The following NIPBL variants were observed in gnomAD, a reference collection of about 807,000 sequenced individuals.
The protein encoded by NIPBL is nipped-B-like protein.
Under a neutral mutation model 321.8 loss-of-function variants are expected in NIPBL, and 19 were observed. The ratio of observed to expected loss-of-function variants is 0.06; its 90% CI spans 0.04 to 0.09. NIPBL has a LOEUF of 0.09. NIPBL is among the 10% of genes least tolerant of loss of function. NIPBL has a pLI of 1.00. For synonymous variants in NIPBL, 1,106 were observed against 1,114.1 expected (o/e 0.99, Z 0.14); for missense variants, 2,210 against 3,327.0 (o/e 0.66, Z 8.26).
At chr5:37,044,908 T>C (rs1490468044) in intron 36 of NIPBL, among the ~76,000 whole-genome samples, 179 bp downstream of exon 36, 1 of 152,230 alleles carries the variant, frequency 6.6e-6, no homozygotes, top group Non-Finnish European at 1.5e-5. Context: ...GAACCCACTG[T>C]GATTACTTCA....
rs760921663 is a variant in NIPBL at position 36,958,084 on chromosome 5, A to G, written c.231-20A>G. 1.2e-6 allele frequency: 2 copies of G among 1,612,630 alleles called. No individual in the cohort carries two copies. The highest frequency in any genetic ancestry group is 1.7e-5 in the Admixed American group (1 of 59,994). ...ATCAGTCACCATTTTAATTTTTGAT[A>G]CTTATTTTCTCAATGCCAGAGAGTT... is the stretch of plus-strand genomic sequence containing the variant. On this transcript the variant is annotated intron_variant, in intron 3 of 46. Coordinates refer to ENST00000282516, the MANE Select transcript of NIPBL (RefSeq NM_133433.4).
intron 1 of NIPBL, among the ~76,000 whole-genome samples, chr5:36,893,913 A>G (rs572210023): frequency 2.0e-5 from 3 of 152,368 alleles, no homozygotes; most frequent in South Asian, 4.1e-4. Flanking sequence ...AAAATTCAGT[A>G]CAGCCTACCA....
At chr5:37,034,376 C>A (rs1433650742) in intron 32 of NIPBL, among the ~76,000 whole-genome samples, 2 of 152,130 alleles carry the variant, frequency 1.3e-5, no homozygotes, top group African/African-American at 2.4e-5. Flanking sequence ...AATGACCCAG[C>A]AATTCGACTT....
At chr5:36,922,510 A>G (rs1236699888) in intron 1 of NIPBL, among the ~76,000 whole-genome samples, 1 of 152,122 alleles carries the variant, frequency 6.6e-6, no homozygotes, top group African/African-American at 2.4e-5. Context: ...CGAGTATTAT[A>G]CTTTTAACTT....
intron 45 of NIPBL, among the ~76,000 whole-genome samples, chr5:37,063,258 C>A (rs1754984876): frequency 6.6e-6 from 1 of 152,166 alleles, no homozygotes; most frequent in African/African-American, 2.4e-5. Context: ...AGAATATAAT[C>A]TACACAGTGG....
chr5:37,031,616 A>T (rs1751027653), intron 32 of NIPBL, among the ~76,000 whole-genome samples: 1 of 152,208 alleles, frequency 6.6e-6, no homozygotes, highest in South Asian at 2.1e-4. Flanking sequence ...GCAATGAAAA[A>T]CAGTTAAGAG....
At chr5:37,041,963 CATT>C (rs1480292341) in intron 34 of NIPBL, among the ~76,000 whole-genome samples, 1 of 152,008 alleles carries the variant, frequency 6.6e-6, no homozygotes, top group Non-Finnish European at 1.5e-5. Flanking sequence ...CACTTTAACT[CATT>C]ATGGGAAACA....
intron 32 of NIPBL, among the ~76,000 whole-genome samples, chr5:37,030,337 C>G (rs1239102708): frequency 6.6e-6 from 1 of 152,010 alleles, no homozygotes; most frequent in Non-Finnish European, 1.5e-5. Context: ...GATATATTTC[C>G]TTATACTAGC....
At position 37,016,119 on chromosome 5, in the gene NIPBL, G is replaced by A. The variant is rs779999171; in HGVS notation, c.4725G>A (p.Lys1575=). The change falls in exon 23 of 47, where the codon AAG becomes AAA. Residue 1575 remains lysine, a synonymous_variant. Coordinates refer to ENST00000282516, the MANE Select transcript of NIPBL (RefSeq NM_133433.4). ...AAGACCTTCTTTCAACAGTCAATAAGCCTGAATGGCCAGCTGCTGAACTAC... is the reference window on the plus strand; with the variant it reads ...AAGACCTTCTTTCAACAGTCAATAAACCTGAATGGCCAGCTGCTGAACTAC... ...FVQDLLSTVN[K]PEWPAAELLL... The A allele has an allele frequency of 1.9e-6, 3 of 1,613,918 alleles. No individual in the cohort carries two copies. The South Asian group carries it at 3.3e-5, about 18-fold the overall frequency.
chr5:36,995,015 A>G (rs981766860), intron 10 of NIPBL: 2 of 152,186 alleles, frequency 1.3e-5, no homozygotes, highest in Non-Finnish European at 2.9e-5. Flanking sequence ...AATTGTATAT[A>G]TTGATTTGTC....
At position 36,877,107 on chromosome 5, in the gene NIPBL, C is replaced by G; in HGVS notation, c.-151C>G. The stretch of plus-strand genomic sequence containing the variant: ...AAGAGGAGCCGTAGCCACCCCCCCT[C>G]CCGGCCCGGATTATAGTCTCTCGCC... On this transcript the variant is annotated 5_prime_UTR_variant, in exon 1 of 47. Coordinates refer to ENST00000282516, the MANE Select transcript of NIPBL (RefSeq NM_133433.4). The G allele has an allele frequency of 2.9e-6, 1 of 349,690 alleles. No homozygotes were observed. 21.7% of individuals were successfully genotyped at this position (349,690 alleles called of 1,614,324 possible).
Position 37,038,274 on chromosome 5 carries a change from G to A in NIPBL, c.5972-328G>A, listed in dbSNP as rs540171385. ...CAAAGTGCTGGGATTACAGGTGTGAGCCATCACACACAGCCCATTGATTTT... is the reference window on the plus strand; with the variant it reads ...CAAAGTGCTGGGATTACAGGTGTGAACCATCACACACAGCCCATTGATTTT... On this transcript the variant is annotated intron_variant, in intron 33 of 46. Transcript: ENST00000282516. 2.4e-3 allele frequency among the ~76,000 whole-genome samples: 363 copies of A among 152,176 alleles called. 2 individuals carry two copies. The highest frequency in any genetic ancestry group is 8.3e-3 in the African/African-American group (346 of 41,532).
intron 1 of NIPBL, among the ~76,000 whole-genome samples, chr5:36,930,751 G>A (rs989393039): frequency 6.6e-6 from 1 of 152,020 alleles, no homozygotes; most frequent in Non-Finnish European, 1.5e-5. Context: ...AAAAATAGTG[G>A]TTGTTGGATT....
chr5:36,967,718 G>T (rs1227189813), intron 6 of NIPBL, among the ~76,000 whole-genome samples: 1 of 151,922 alleles, frequency 6.6e-6, no homozygotes, highest in African/African-American at 2.4e-5. Flanking sequence ...ATACAGATGG[G>T]GTCTTGCTGT....
chr5:36,992,629 C>T (rs894325614), intron 10 of NIPBL, among the ~76,000 whole-genome samples: 3 of 152,076 alleles, frequency 2.0e-5, no homozygotes, highest in African/African-American at 7.2e-5. Context: ...ATCCTCCCAT[C>T]TCAGCCTCCA....
At chr5:36,947,505 G>T (rs1451528306) in intron 1 of NIPBL, among the ~76,000 whole-genome samples, 1 of 151,900 alleles carries the variant, frequency 6.6e-6, no homozygotes. Flanking sequence ...TCCCTTGCAG[G>T]CTCCAATTGA....
At chr5:36,995,069 C>T (rs1432633686) in intron 10 of NIPBL, 5 of 152,522 alleles carry the variant, frequency 3.3e-5, no homozygotes, top group Non-Finnish European at 7.3e-5. Context: ...TTACCATGCC[C>T]TCAAATAGAC....
intron 44 of NIPBL, among the ~76,000 whole-genome samples, chr5:37,059,943 A>G (rs1020765658): frequency 3.9e-5 from 6 of 152,192 alleles, no homozygotes; most frequent in African/African-American, 1.4e-4. Context: ...GCCTGTAACC[A>G]TGGAATTTTG....
chr5:37,033,730 A>ATATTTT (rs775482943), intron 32 of NIPBL, among the ~76,000 whole-genome samples: 7 of 21,506 alleles, frequency 3.3e-4, no homozygotes, highest in African/African-American at 4.1e-4. Context: ...ATATATATAT[A>ATATTTT]TTTTTTTTTT....
Sources: gnomAD v4.1 joint callset for allele counts (sites outside exome capture counted in the v4.1 genomes callset) on GRCh38, gnomAD v4.1.1 for gene constraint, MANE v1.5 for transcripts, NCBI Gene and HGNC (gene_info 2026-07-23, HGNC 2026-07-21) for gene names.